Variants in TBX5 observed in about 807,000 individuals in gnomAD.
TBX5 encodes the protein T-box transcription factor TBX5.
In TBX5, 8 loss-of-function variants were observed where a neutral mutation model predicts 51.1. That is an observed-to-expected ratio of 0.16 (90% CI 0.09 to 0.28). The LOEUF (loss-of-function observed/expected upper bound fraction) is 0.28, where lower values mean the gene tolerates loss of function less well. Among genes scored for constraint, TBX5 ranks in the 10% least tolerant of loss-of-function variants. TBX5 has a pLI of 1.00. For synonymous variants in TBX5, 302 were observed against 266.4 expected (o/e 1.13, Z -1.30); for missense variants, 589 against 671.7 (o/e 0.88, Z 1.36).
intron 8 of TBX5, among the ~76,000 whole-genome samples, chr12:114,356,731 G>A (rs1370942933): frequency 2.0e-5 from 3 of 152,154 alleles, no homozygotes; most frequent in Non-Finnish European, 4.4e-5. Flanking sequence ...CATATACAGT[G>A]TGTACTCTGC....
At chr12:114,365,142 G>C (rs1475181463) in intron 8 of TBX5, among the ~76,000 whole-genome samples, 1 of 151,218 alleles carries the variant, frequency 6.6e-6, no homozygotes, top group African/African-American at 2.4e-5. Flanking sequence ...TTTAAATGGG[G>C]GATGAGACGG....
At chr12:114,400,144 C>A (rs1057177325) in intron 3 of TBX5, among the ~76,000 whole-genome samples, 3 of 152,260 alleles carry the variant, frequency 2.0e-5, no homozygotes, top group African/African-American at 7.2e-5. Flanking sequence ...GGCTTCCCGA[C>A]CTTGCTTTGG....
chr12:114,392,104 T>C (rs1871177953), intron 6 of TBX5, among the ~76,000 whole-genome samples: 1 of 150,728 alleles, frequency 6.6e-6, no homozygotes, highest in African/African-American at 2.4e-5. Flanking sequence ...AATACGCATA[T>C]ATCCAAATGC....
intron 2 of TBX5, among the ~76,000 whole-genome samples, chr12:114,402,854 C>A (rs1157667282): frequency 6.6e-6 from 1 of 152,168 alleles, no homozygotes; most frequent in Non-Finnish European, 1.5e-5. Context: ...ACTGTGTTCA[C>A]GCTCTCTGCT....
At chr12:114,381,589 T>A (rs1870506179) in intron 7 of TBX5, among the ~76,000 whole-genome samples, 1 of 152,116 alleles carries the variant, frequency 6.6e-6, no homozygotes, top group Non-Finnish European at 1.5e-5. Flanking sequence ...CTCATATAAT[T>A]TTTACAGGAA....
At chr12:114,368,656 CAA>C (rs1181447559) in intron 7 of TBX5, among the ~76,000 whole-genome samples, 11 of 152,262 alleles carry the variant, frequency 7.2e-5, no homozygotes, top group Middle Eastern at 3.4e-3. Context: ...TTTTAGAACA[CAA>C]TATGCTTTTA....
Position 114,370,627 on chromosome 12 carries a change from G to C in TBX5, c.756-4236C>G, listed in dbSNP as rs188184449. Among the ~76,000 whole-genome samples the C allele has an allele frequency of 5.6e-5, 8 of 144,010 alleles. No individual in the cohort carries two copies. The East Asian group carries it at 1.7e-3, about 31-fold the overall frequency. 94.5% of individuals were successfully genotyped at this position (144,010 alleles called of 152,430 possible). A position where few individuals can be genotyped will look rare whatever the true frequency, so the allele number is the denominator to read the frequency against. On this transcript the variant is annotated intron_variant, in intron 7 of 8. Coordinates refer to ENST00000405440, the MANE Select transcript of TBX5 (RefSeq NM_181486.4). ...CCAGGCAGGGAGGGTTAGAGTGGGG[G>C]ATGATCTCTCCCTCTCTCTCTCTCT...
intron 7 of TBX5, among the ~76,000 whole-genome samples, chr12:114,380,795 T>C (rs190653768): frequency 1.1e-3 from 164 of 152,124 alleles, no homozygotes; most frequent in African/African-American, 3.8e-3. Context: ...TGCCACTTCA[T>C]GCCAGCCTGG....
In TBX5 at chr12:114,399,425, A is replaced by C; in HGVS notation, c.362+88T>G. On this transcript the variant is annotated intron_variant, in intron 4 of 8. Transcript: ENST00000405440. Reference sequence around the variant, plus strand: ...CACACAGTAGGAACTAAAAAAAAAAAAAAAGTTCACTGATACAACTTTTCA... The same window carrying C: ...CACACAGTAGGAACTAAAAAAAAAACAAAAGTTCACTGATACAACTTTTCA... The C allele has an allele frequency of 2.5e-6, 4 of 1,601,624 alleles. No homozygotes were observed. In the South Asian group the frequency reaches 3.3e-5, roughly 13 times the overall value.
intron 5 of TBX5, 73 bp downstream of exon 5, chr12:114,398,500 G>A: frequency 1.9e-6 from 3 of 1,568,396 alleles, no homozygotes; most frequent in Non-Finnish European, 2.6e-6. Context: ...CAAGAAGGGA[G>A]AGAAACCCAG....
intron 8 of TBX5, 180 bp downstream of exon 8, chr12:114,365,985 C>G (rs1593846846): frequency 1.3e-6 from 1 of 747,610 alleles, no homozygotes. Flanking sequence ...AGGAACATGT[C>G]AAGGGAACTT....
At chr12:114,381,264 A>G (rs1870492483) in intron 7 of TBX5, among the ~76,000 whole-genome samples, 1 of 152,148 alleles carries the variant, frequency 6.6e-6, no homozygotes, top group African/African-American at 2.4e-5. Context: ...CCTTCTACCA[A>G]TTGTTGGAAT....
In TBX5 at chr12:114,403,804, A is replaced by G; in HGVS notation, c.95T>C (p.Leu32Pro). The G allele has an allele frequency of 6.2e-7, 1 of 1,614,024 alleles. No homozygotes were observed. Among genetic ancestry groups the G allele is most frequent in the Non-Finnish European group, 8.5e-7 (1 of 1,180,004 alleles). Reference sequence around the variant, plus strand: ...CGACGGGGACTTGCTGGGGGCCCCGAGCGCGCTCTCGGGTTTCGAATCGCA... The same window carrying G: ...CGACGGGGACTTGCTGGGGGCCCCGGGCGCGCTCTCGGGTTTCGAATCGCA... ...LPCDSKPESA[L>P]GAPSKSPSSP... The change falls in exon 2 of 9, where the codon CTC becomes CCC. Residue 32 changes from leucine (L) to proline (P), a missense_variant. Leu to Pro is a moderately conservative substitution (Grantham distance 98). Around this residue, in one of 7 missense-constraint regions of TBX5, gnomAD observed 101 missense variants for 83.3 expected, o/e 1.21. Transcript: ENST00000405440.
At chr12:114,388,710 G>A (rs1870969818) in intron 6 of TBX5, among the ~76,000 whole-genome samples, 1 of 138,530 alleles carries the variant, frequency 7.2e-6, no homozygotes, top group East Asian at 2.3e-4. Flanking sequence ...GTGTGTGTGT[G>A]TGTGTGTACA....
At chr12:114,389,286 A>C (rs1453669465) in intron 6 of TBX5, among the ~76,000 whole-genome samples, 1 of 152,156 alleles carries the variant, frequency 6.6e-6, no homozygotes, top group African/African-American at 2.4e-5. Flanking sequence ...CCTTTTGGAA[A>C]GTCATCTTAA....
chr12:114,385,669 T>C (rs1870774737), intron 6 of TBX5, 102 bp from the exon 7 acceptor site: 1 of 1,004,130 alleles, frequency 1.0e-6, no homozygotes. Context: ...ATGCAGCCTC[T>C]GGCAACCAAA....
At position 114,398,684 on chromosome 12, in the gene TBX5, G is replaced by T; in HGVS notation, c.399C>A (p.Gly133=). ...GGGAGTCTGGGTGCACGTACAGGCG[G>T]CCAGGCATGGCGGGCTCAGCTTTGC... ...VTGKAEPAMP[G]RLYVHPDSPA... The change falls in exon 5 of 9, where the codon GGC becomes GGA. Residue 133 remains glycine (G), a synonymous_variant. Transcript: ENST00000405440. 2 of 1,611,986 alleles carry T rather than the reference G, an allele frequency of 1.2e-6. No individual in the cohort carries two copies. The highest frequency in any genetic ancestry group is 1.3e-5 in the African/African-American group (1 of 75,034).
At chr12:114,402,145 T>A (rs1235456921) in intron 2 of TBX5, among the ~76,000 whole-genome samples, 1 of 152,186 alleles carries the variant, frequency 6.6e-6, no homozygotes, top group Non-Finnish European at 1.5e-5. Flanking sequence ...CAACAACCAC[T>A]TGAACCCACA....
rs1869609853 is a variant in TBX5, at chr12:114,367,439, C to T, written c.756-1048G>A. Among the ~76,000 whole-genome samples, 3 of 152,130 alleles carry T rather than the reference C, an allele frequency of 2.0e-5. No individual in the cohort carries two copies. The South Asian group carries it at 6.2e-4, about 32-fold the overall frequency. On this transcript the variant is annotated intron_variant, in intron 7 of 8. Coordinates refer to ENST00000405440, the MANE Select transcript of TBX5 (RefSeq NM_181486.4). ...CCATGACATCATAGGTATAGCATCCCTCAGTGTGCTCAAAATCTGGCCCCT... is the reference window on the plus strand; with the variant it reads ...CCATGACATCATAGGTATAGCATCCTTCAGTGTGCTCAAAATCTGGCCCCT...
Sources: allele counts gnomAD v4.1 joint callset (sites outside exome capture counted in the v4.1 genomes callset), GRCh38; gene constraint gnomAD v4.1.1; regional missense constraint gnomAD v4.1.1; transcripts MANE v1.5; gene names NCBI Gene and HGNC (gene_info 2026-07-23, HGNC 2026-07-21).